Variants in ATP6V0C observed in about 807,000 individuals in gnomAD.
ATP6V0C encodes the protein V-type proton ATPase 16 kDa proteolipid subunit c.
Under a neutral mutation model 10.6 loss-of-function variants are expected in ATP6V0C, and 2 were observed. The ratio of observed to expected loss-of-function variants is 0.19; its 90% confidence interval spans 0.08 to 0.59. ATP6V0C has a LOEUF of 0.59. ATP6V0C is among the 20% of genes least tolerant of loss of function. The pLI, the probability that ATP6V0C is intolerant of heterozygous loss-of-function variation, is 0.90. For missense variants in ATP6V0C, 89 were observed against 225.9 expected (o/e 0.39, Z 3.88); for synonymous variants, 128 against 101.3 (o/e 1.26, Z -1.59).
chr16:2,519,111 G>A (rs2065893779), intron 1 of ATP6V0C, 107 bp from the exon 2 acceptor site: 2 of 1,294,274 alleles, frequency 1.5e-6, no homozygotes, highest in Admixed American at 5.7e-5. Flanking sequence ...CCCTCTGCAT[G>A]TGATAACTTG....
intron 1 of ATP6V0C, chr16:2,514,523 A>AG (rs1006152403): frequency 5.7e-5 from 1 of 17,562 alleles, no homozygotes; most frequent in Non-Finnish European, 1.2e-4. Context: ...TGGGGGCGCG[A>AG]GGGGGGCGGC....
At chr16:2,518,478 G>A (rs546714663) in intron 1 of ATP6V0C, among the ~76,000 whole-genome samples, 2 of 152,320 alleles carry the variant, frequency 1.3e-5, no homozygotes, top group East Asian at 1.9e-4. Flanking sequence ...CTGAGGCCTC[G>A]TAGTTGGACT....
chr16:2,519,808 C>T lies in ATP6V0C; in HGVS notation c.*63C>T. On this transcript the variant is annotated 3_prime_UTR_variant, in exon 3 of 3. Transcript: ENST00000330398. ...AAGACCACCCCTCCTCATTCCAGAACGAACAGCCTGACACATACGCACGGG... is the reference window on the plus strand; with the variant it reads ...AAGACCACCCCTCCTCATTCCAGAATGAACAGCCTGACACATACGCACGGG... 6.4e-7 allele frequency: 1 copy of T among 1,573,606 alleles called. No individual in the cohort carries two copies. Among genetic ancestry groups the T allele is most frequent in the Non-Finnish European group, 8.7e-7 (1 of 1,149,820 alleles).
At chr16:2,516,241 T>TA (rs925001199) in intron 1 of ATP6V0C, among the ~76,000 whole-genome samples, 19 of 151,534 alleles carry the variant, frequency 1.3e-4, no homozygotes, top group Admixed American at 4.6e-4. Context: ...GCCTCCTGAA[T>TA]AACTAGGACT....
At chr16:2,516,555 C>T (rs1157272618) in intron 1 of ATP6V0C, 1 of 152,558 alleles carries the variant, frequency 6.6e-6, no homozygotes, top group Admixed American at 6.5e-5. Flanking sequence ...GTCCCCAGCT[C>T]CTGGCCCTTG....
rs982041914 is a variant in ATP6V0C at position 2,519,891 on chromosome 16, G to C, written c.*146G>C. 7 of 1,183,862 alleles carry C rather than the reference G, an allele frequency of 5.9e-6. No individual in the cohort carries two copies. Among genetic ancestry groups the C allele is most frequent in the Non-Finnish European group, 8.5e-6 (7 of 821,464 alleles). The allele number at this position is 1,183,862 out of a possible 1,614,324, so 73.3% of individuals were successfully genotyped here. On this transcript the variant is annotated 3_prime_UTR_variant, in exon 3 of 3. Transcript: ENST00000330398. The stretch of plus-strand genomic sequence containing the variant: ...CGCAGTGTCCTAGTGCCCATCGTCT[G>C]TTTCCCCGGCCTTGCCCCCGCCCGC...
In ATP6V0C at chr16:2,514,086, C is replaced by T; in HGVS notation, c.-18C>T. ...ACCGCCTCGGCCCGCAGAGCTTGCC[C>T]CCTCCCCACCCGCAGACATGTCCGA... On this transcript the variant is annotated 5_prime_UTR_variant, in exon 1 of 3. Coordinates refer to ENST00000330398, the MANE Select transcript of ATP6V0C (RefSeq NM_001694.4). The T allele has an allele frequency of 6.4e-7, 1 of 1,563,986 alleles. No individual in the cohort carries two copies. Among genetic ancestry groups the T allele is most frequent in the Non-Finnish European group, 8.6e-7 (1 of 1,156,116 alleles).
At chr16:2,519,446 G>A in intron 2 of ATP6V0C, 45 bp downstream of exon 2, 1 of 1,581,174 alleles carries the variant, frequency 6.3e-7, no homozygotes, top group Non-Finnish European at 8.6e-7. Context: ...GAGGACTGCA[G>A]GGAGGGGGGC....
In ATP6V0C at chr16:2,519,721, C is replaced by G. The variant is rs777715709; in HGVS notation, c.444C>G (p.Val148=). 6.2e-7 allele frequency: 1 copy of G among 1,607,398 alleles called. No individual in the cohort carries two copies. Among genetic ancestry groups the G allele is most frequent in the Non-Finnish European group, 8.5e-7 (1 of 1,175,096 alleles). The change falls in exon 3 of 3, where the codon GTC becomes GTG. Residue 148 remains valine, a synonymous_variant. Transcript: ENST00000330398. ...AEVLGLYGLI[V]ALILSTK ...TGCTCGGCCTCTACGGTCTCATCGT[C>G]GCCCTCATCCTCTCCACAAAGTAGA...
chr16:2,514,349 G>C (rs1239235027), intron 1 of ATP6V0C, 167 bp downstream of exon 1: 2 of 602,768 alleles, frequency 3.3e-6, no homozygotes, highest in African/African-American at 2.0e-5. Flanking sequence ...GAGGGCTGCG[G>C]GGAGCCGCCG....
At chr16:2,516,723 T>G (rs1205915847) in intron 1 of ATP6V0C, 1 of 152,392 alleles carries the variant, frequency 6.6e-6, no homozygotes, top group Non-Finnish European at 1.5e-5. Flanking sequence ...TTTTCTGTAT[T>G]TCCTGTGACT....
In ATP6V0C at chr16:2,513,965, G is replaced by A. The variant is rs1422695605; in HGVS notation, c.-139G>A. On this transcript the variant is annotated 5_prime_UTR_variant, in exon 1 of 3. Coordinates refer to ENST00000330398, the MANE Select transcript of ATP6V0C (RefSeq NM_001694.4). ...GGCCGCCATTTTGTTCTGCGGTGCT[G>A]GTATTTAGAGCGCAGCGGCTGACGG... 2.8e-6 allele frequency: 2 copies of A among 722,624 alleles called. No homozygotes were observed. The highest frequency in any genetic ancestry group is 4.4e-6 in the Non-Finnish European group (2 of 449,802). 44.8% of individuals were successfully genotyped at this position (722,624 alleles called of 1,614,324 possible).
chr16:2,514,027 T>C lies in ATP6V0C; in HGVS notation c.-77T>C, dbSNP rs950975137. The C allele has an allele frequency of 1.0e-5, 14 of 1,383,562 alleles. No individual in the cohort carries two copies. In the South Asian group the frequency reaches 1.7e-4, roughly 17 times the overall value. 85.7% of individuals were successfully genotyped at this position (1,383,562 alleles called of 1,614,324 possible). ...TTCGCCGCCGCCCGCCCGCAAACCT[T>C]CGTGCCCGGCCCGTCCTCGCCCCCG... is the stretch of plus-strand genomic sequence containing the variant. On this transcript the variant is annotated 5_prime_UTR_variant, in exon 1 of 3. Transcript: ENST00000330398.
chr16:2,518,854 T>G, intron 1 of ATP6V0C: 1 of 246,006 alleles, frequency 4.1e-6, no homozygotes, highest in Non-Finnish European at 7.9e-6. Flanking sequence ...CGACTGACCC[T>G]GACCCCACAT....
Position 2,519,919 on chromosome 16 carries a change from CGT to C in ATP6V0C, c.*176_*177del. 7 of 951,908 alleles carry C rather than the reference CGT, an allele frequency of 7.4e-6. No homozygotes were observed. Among genetic ancestry groups the C allele is most frequent in the African/African-American group, 1.6e-5 (1 of 61,474 alleles). 59.0% of individuals were successfully genotyped at this position (951,908 alleles called of 1,614,324 possible). A position where few individuals can be genotyped will look rare whatever the true frequency, so the allele number is the denominator to read the frequency against. On this transcript the variant is annotated 3_prime_UTR_variant, in exon 3 of 3. Coordinates refer to ENST00000330398, the MANE Select transcript of ATP6V0C (RefSeq NM_001694.4). ...TCCCCGGCCTTGCCCCCGCCCGCCC[CGT>C]GCCGTGGACATCTGGGCCCACTCAT...
rs11546347 is a variant in ATP6V0C, at chr16:2,520,129, C to T, written c.*384C>T. 6.1e-3 allele frequency: 3,471 copies of T among 566,616 alleles called. 99 individuals are homozygous for T. The highest frequency in any genetic ancestry group is 0.057 in the African/African-American group (3,074 of 53,600). The allele number at this position is 566,616 out of a possible 1,614,324, so 35.1% of individuals were successfully genotyped here. ...AGCTAGAGTGTCGCCTTGTGGGTTC[C>T]TGTTGCTGAGACTTCCTGGATGGAG... On this transcript the variant is annotated 3_prime_UTR_variant, in exon 3 of 3. Coordinates refer to ENST00000330398, the MANE Select transcript of ATP6V0C (RefSeq NM_001694.4).
intron 1 of ATP6V0C, among the ~76,000 whole-genome samples, chr16:2,515,216 G>C (rs946802687): frequency 6.6e-6 from 1 of 152,162 alleles, no homozygotes; most frequent in Admixed American, 6.5e-5. Context: ...TTGGGCTAGG[G>C]CTAGGCCCAG....
intron 1 of ATP6V0C, among the ~76,000 whole-genome samples, chr16:2,516,267 C>T (rs554408898): frequency 1.3e-5 from 2 of 151,066 alleles, no homozygotes; most frequent in Admixed American, 6.6e-5. Flanking sequence ...CACAGGCTAC[C>T]ATGCCCAGCT....
intron 1 of ATP6V0C, chr16:2,517,114 T>C (rs1221679859): frequency 6.6e-6 from 1 of 152,530 alleles, no homozygotes; most frequent in Non-Finnish European, 1.5e-5. Context: ...TCTGGTCTCT[T>C]GTGCATACAT....
Sources: allele counts gnomAD v4.1 joint callset (sites outside exome capture counted in the v4.1 genomes callset), GRCh38; gene constraint gnomAD v4.1.1; transcripts MANE v1.5; gene names NCBI Gene and HGNC (gene_info 2026-07-23, HGNC 2026-07-21).